RASGEF1A: variants seen among roughly 807,000 people sequenced by gnomAD.
RASGEF1A encodes ras-GEF domain-containing family member 1A.
In RASGEF1A, 18 loss-of-function variants were observed where a neutral mutation model predicts 56.4. The ratio of observed to expected loss-of-function variants is 0.32; its 90% CI spans 0.22 to 0.47. RASGEF1A has a LOEUF of 0.47. Ranked by LOEUF, RASGEF1A falls within the 20% of genes least tolerant of loss-of-function variation. The pLI is 1.00. For missense variants in RASGEF1A, 422 were observed against 627.1 expected (o/e 0.67, Z 3.49); for synonymous variants, 245 against 242.6 (o/e 1.01, Z -0.09).
chr10:43,211,376 C>T (rs116091301), intron 1 of RASGEF1A, among the ~76,000 whole-genome samples: 13 of 152,298 alleles, frequency 8.5e-5, no homozygotes, highest in African/African-American at 2.9e-4. Flanking sequence ...ACACCCCTGA[C>T]CTGCACAGCC....
At chr10:43,201,704 T>C (rs1407246330) in intron 4 of RASGEF1A, 104 bp downstream of exon 4, 38 of 1,232,882 alleles carry the variant, frequency 3.1e-5, no homozygotes, top group Non-Finnish European at 4.0e-5. Flanking sequence ...GGGAGTAACA[T>C]GGAAGGGGAC....
intron 1 of RASGEF1A, among the ~76,000 whole-genome samples, chr10:43,238,211 G>T (rs1437639725): frequency 6.6e-6 from 1 of 151,940 alleles, no homozygotes; most frequent in Admixed American, 6.6e-5. Context: ...GTCTTCAGGG[G>T]AGTTAGCCGT....
Position 43,203,341 on chromosome 10 carries a change from A to T in RASGEF1A, c.278T>A (p.Ile93Asn). 1 of 1,581,112 alleles carries T rather than the reference A, an allele frequency of 6.3e-7. No homozygotes were observed. Among genetic ancestry groups the T allele is most frequent in the Non-Finnish European group, 8.6e-7 (1 of 1,163,804 alleles). Reference sequence around the variant, plus strand: ...CAGCTGCTGCTTCTGCTCCACGCAGATCTGCCCCACGCGGGCCAGCAGGTC... The same window carrying T: ...CAGCTGCTGCTTCTGCTCCACGCAGTTCTGCCCCACGCGGGCCAGCAGGTC... Reference protein sequence around the residue: ...PHDLLARVGQICVEQKQQLEA... With the variant: ...PHDLLARVGQNCVEQKQQLEA... The change falls in exon 3 of 13, where the codon ATC becomes AAC. Residue 93 changes from isoleucine to asparagine, a missense_variant. Physicochemically the swap from Ile to Asn is moderately radical, Grantham distance 149 (BLOSUM62 -3). Transcript: ENST00000395810.
chr10:43,206,662 T>TGA, intron 1 of RASGEF1A: 1 of 988,582 alleles, frequency 1.0e-6, no homozygotes, highest in Non-Finnish European at 1.2e-6. Context: ...CCTGGGGCTC[T>TGA]GAGCACAGTG....
intron 1 of RASGEF1A, among the ~76,000 whole-genome samples, chr10:43,212,794 G>A (rs1056605931): frequency 8.5e-5 from 13 of 152,230 alleles, no homozygotes; most frequent in Admixed American, 7.2e-4. Flanking sequence ...CACCTCAGGG[G>A]AGAGGCACTT....
At position 43,261,375 on chromosome 10, in the gene RASGEF1A, G is replaced by C. The variant is rs184524922; in HGVS notation, c.-7+5470C>G. 2.6e-5 allele frequency among the ~76,000 whole-genome samples: 4 copies of C among 152,312 alleles called. No individual in the cohort carries two copies. The East Asian group carries it at 7.7e-4, about 29-fold the overall frequency. On this transcript the variant is annotated intron_variant, in intron 1 of 12. Coordinates refer to ENST00000395810, the MANE Select transcript of RASGEF1A (RefSeq NM_145313.4). ...ACGGGGCATAGAAGGCCCTGTCCCC[G>C]TAGCGGGGCTGAGCAGGAAGGGCCC... is the stretch of plus-strand genomic sequence containing the variant.
At chr10:43,251,664 A>G (rs1332885945) in intron 1 of RASGEF1A, among the ~76,000 whole-genome samples, 1 of 152,202 alleles carries the variant, frequency 6.6e-6, no homozygotes, top group African/African-American at 2.4e-5. Context: ...AGCCCTGAGC[A>G]GACTGCGAAA....
rs1201439216 is a variant in RASGEF1A, at chr10:43,200,835, C to T, written c.513G>A (p.Leu171=). The T allele has an allele frequency of 1.2e-6, 2 of 1,613,966 alleles. No homozygotes were observed. The highest frequency in any genetic ancestry group is 2.7e-5 in the African/African-American group (2 of 74,954). ...GGAGCTGGCTCCGGGCAGCCAAGGA[C>T]AGCAACAGGCTCTGTGTCATCTGGG... ...AIAQMTQSLL[L]SLAARSQLQE... is the part of the protein sequence containing the mutation. The change falls in exon 5 of 13, where the codon CTG becomes CTA. Residue 171 remains leucine (L), a synonymous_variant. Transcript: ENST00000395810.
intron 1 of RASGEF1A, chr10:43,208,052 A>C (rs1840020586): frequency 2.0e-6 from 2 of 985,308 alleles, no homozygotes; most frequent in East Asian, 1.1e-4. Flanking sequence ...TGTGCAATGA[A>C]GTCACGAAGG....
chr10:43,263,768 G>C (rs2133233668), intron 1 of RASGEF1A, among the ~76,000 whole-genome samples: 2 of 152,322 alleles, frequency 1.3e-5, no homozygotes, highest in Middle Eastern at 6.8e-3. Flanking sequence ...GTGTCGTCCT[G>C]AGTTGTGCCC....
chr10:43,236,848 C>T (rs981025689), intron 1 of RASGEF1A, among the ~76,000 whole-genome samples: 1 of 152,166 alleles, frequency 6.6e-6, no homozygotes, highest in African/African-American at 2.4e-5. Flanking sequence ...TGAGAGCTCA[C>T]ACCTGAGATC....
At position 43,202,795 on chromosome 10, in the gene RASGEF1A, C is replaced by T. The variant is rs540269047; in HGVS notation, c.321+503G>A. The stretch of plus-strand genomic sequence containing the variant: ...CCTAACCCGGACCCAACCCACAGCT[C>T]CAGCCCAGACCTCACCCCAGCCTGG... On this transcript the variant is annotated intron_variant, in intron 3 of 12. Coordinates refer to ENST00000395810, the MANE Select transcript of RASGEF1A (RefSeq NM_145313.4). 3.2e-4 allele frequency: 143 copies of T among 447,950 alleles called. 3 individuals are homozygous for T. The East Asian group carries it at 4.4e-3, about 14-fold the overall frequency. The allele number at this position is 447,950 out of a possible 1,614,324, so 27.7% of individuals were successfully genotyped here.
intron 1 of RASGEF1A, among the ~76,000 whole-genome samples, chr10:43,227,413 T>C (rs1421727157): frequency 6.6e-6 from 1 of 152,088 alleles, no homozygotes; most frequent in Non-Finnish European, 1.5e-5. Flanking sequence ...ACAGAGGTGG[T>C]GGGCTAACAT....
chr10:43,259,967 C>A (rs903245003), intron 1 of RASGEF1A, among the ~76,000 whole-genome samples: 4 of 152,178 alleles, frequency 2.6e-5, no homozygotes, highest in Non-Finnish European at 5.9e-5. Context: ...CACCAGAGAA[C>A]CACACCACCT....
At chr10:43,201,190 A>G (rs1461350230) in intron 4 of RASGEF1A, among the ~76,000 whole-genome samples, 1 of 152,134 alleles carries the variant, frequency 6.6e-6, no homozygotes, top group African/African-American at 2.4e-5. Context: ...CGGCCCACTG[A>G]GCTGCTTCCT....
At chr10:43,214,008 A>C (rs1336376947) in intron 1 of RASGEF1A, among the ~76,000 whole-genome samples, 1 of 152,130 alleles carries the variant, frequency 6.6e-6, no homozygotes, top group Non-Finnish European at 1.5e-5. Flanking sequence ...CTCTGGCCTC[A>C]TGTGTGCAAA....
intron 9 of RASGEF1A, among the ~76,000 whole-genome samples, chr10:43,198,718 G>A (rs1032101650): frequency 6.6e-6 from 1 of 152,198 alleles, no homozygotes; most frequent in Non-Finnish European, 1.5e-5. Flanking sequence ...TCTGGAACTC[G>A]CCTTAGGTGA....
At chr10:43,212,363 G>A (rs934099979) in intron 1 of RASGEF1A, among the ~76,000 whole-genome samples, 28 of 152,182 alleles carry the variant, frequency 1.8e-4, no homozygotes, top group Non-Finnish European at 1.3e-4. Context: ...CTTGCACCCC[G>A]CCCCATGGAG....
intron 3 of RASGEF1A, among the ~76,000 whole-genome samples, chr10:43,202,989 C>T (rs190399952): frequency 0.015 from 2,151 of 142,662 alleles, 63 homozygotes; most frequent in African/African-American, 0.054. Context: ...ACGCCCCAAC[C>T]CTAGCCATGA....
Sources: allele counts gnomAD v4.1 joint callset (sites outside exome capture counted in the v4.1 genomes callset), GRCh38; gene constraint gnomAD v4.1.1; transcripts MANE v1.5; gene names NCBI Gene and HGNC (gene_info 2026-07-23, HGNC 2026-07-21).